KCNT1: variants seen among roughly 807,000 people sequenced by gnomAD.
KCNT1 encodes potassium sodium-activated channel subfamily T member 1.
In KCNT1, 78 loss-of-function variants were observed where a neutral mutation model predicts 147.8. The observed-to-expected ratio is 0.53, with a 90% confidence interval of 0.44 to 0.64. The LOEUF (loss-of-function observed/expected upper bound fraction) is 0.64. KCNT1 is among the 30% of genes least tolerant of loss of function. KCNT1 has a pLI of 0.00. For missense variants in KCNT1, 1,419 were observed against 1,750.3 expected (o/e 0.81, Z 3.38); for synonymous variants, 867 against 748.8 (o/e 1.16, Z -2.58).
intron 1 of KCNT1, among the ~76,000 whole-genome samples, chr9:135,708,255 C>T (rs985110754): frequency 2.6e-5 from 4 of 152,200 alleles, no homozygotes; most frequent in Admixed American, 1.3e-4. Context: ...CACATGTATA[C>T]ATATGCCCAT....
chr9:135,732,002 A>AGG (rs1333775114), intron 2 of KCNT1, among the ~76,000 whole-genome samples: 1 of 73,442 alleles, frequency 1.4e-5, no homozygotes, highest in African/African-American at 5.0e-5. Context: ...AGAGAGAGAG[A>AGG]GAGAGAGAGA....
At position 135,750,873 on chromosome 9, in the gene KCNT1, C is replaced by T. The variant is rs575643861; in HGVS notation, c.335-69C>T. The T allele has an allele frequency of 2.0e-4, 283 of 1,422,704 alleles. No individual in the cohort carries two copies. In the African/African-American group the frequency reaches 3.5e-3, roughly 18 times the overall value. 88.1% of individuals were successfully genotyped at this position (1,422,704 alleles called of 1,614,324 possible). ...GCCATCCAGAGAGCCCAGCCAGACC[C>T]GGGTGCAGGCCCTGCTCCCCGAAGC... On this transcript the variant is annotated intron_variant, in intron 3 of 30. Transcript: ENST00000371757.
chr9:135,724,719 C>T (rs918365676), intron 2 of KCNT1, among the ~76,000 whole-genome samples: 2 of 152,262 alleles, frequency 1.3e-5, no homozygotes, highest in Admixed American at 6.5e-5. Flanking sequence ...GACATTGAAA[C>T]CTCACCAGGT....
chr9:135,772,022 G>T (rs1052237896), intron 18 of KCNT1, among the ~76,000 whole-genome samples: 3 of 152,150 alleles, frequency 2.0e-5, no homozygotes, highest in Admixed American at 2.0e-4. Context: ...GTTTGGAGAC[G>T]TGCCGATGCG....
In KCNT1 at chr9:135,795,030, T is replaced by A. The variant is rs535997595; in HGVS notation, c.*2869T>A. 4 of 152,328 alleles carry A rather than the reference T, an allele frequency of 2.6e-5. No individual in the cohort carries two copies. In the South Asian group the frequency reaches 8.3e-4, roughly 32 times the overall value. The allele number at this position is 152,328 out of a possible 1,614,324, so 9.4% of individuals were successfully genotyped here. On this transcript the variant is annotated 3_prime_UTR_variant, in exon 31 of 31. Coordinates refer to ENST00000371757, the MANE Select transcript of KCNT1 (RefSeq NM_020822.3). ...TAGAATAAGCGAAAAGAATTTTTTTTAATGTTTTACGGTAGAATTATTTGA... is the reference window on the plus strand; with the variant it reads ...TAGAATAAGCGAAAAGAATTTTTTTAAATGTTTTACGGTAGAATTATTTGA...
intron 24 of KCNT1, 152 bp downstream of exon 24, chr9:135,779,622 C>T: frequency 1.6e-6 from 1 of 638,762 alleles, no homozygotes; most frequent in Admixed American, 2.6e-5. Context: ...GGGGGCCCAG[C>T]ATGGACAGGG....
At chr9:135,762,367 G>T (rs1034699073) in intron 11 of KCNT1, among the ~76,000 whole-genome samples, 1 of 152,112 alleles carries the variant, frequency 6.6e-6, no homozygotes, top group African/African-American at 2.4e-5. Context: ...AATCGCCTGA[G>T]CCCTGAGGTT....
chr9:135,781,591 A>T (rs180847779), intron 24 of KCNT1, among the ~76,000 whole-genome samples: 24 of 152,292 alleles, frequency 1.6e-4, no homozygotes, highest in African/African-American at 5.8e-4. Context: ...AATTTATTAT[A>T]AAAATGTACA....
chr9:135,779,404 C>T lies in KCNT1; in HGVS notation c.2775C>T (p.Ser925=). The T allele has an allele frequency of 6.2e-7, 1 of 1,614,036 alleles. No individual in the cohort carries two copies. Among genetic ancestry groups the T allele is most frequent in the Non-Finnish European group, 8.5e-7 (1 of 1,180,012 alleles). The change falls in exon 24 of 31, where the codon TCC becomes TCT. Residue 925 remains serine, a synonymous_variant. Coordinates refer to ENST00000371757, the MANE Select transcript of KCNT1 (RefSeq NM_020822.3). The part of the protein sequence containing the change: ...LSITTELTHP[S]NMRFMQFRAK... ...TCACCACGGAGCTCACCCACCCTTC[C>T]AACATGCGCTTCATGCAGTTCCGCG...
intron 4 of KCNT1, chr9:135,753,734 C>A (rs887257352): frequency 3.3e-6 from 2 of 607,228 alleles, no homozygotes; most frequent in East Asian, 2.8e-5. Flanking sequence ...CAGTTAGAGG[C>A]CCTCCTGCAG....
chr9:135,702,407 G>T lies in KCNT1; in HGVS notation c.110+39G>T. On this transcript the variant is annotated intron_variant, in intron 1 of 30. Coordinates refer to ENST00000371757, the MANE Select transcript of KCNT1 (RefSeq NM_020822.3). Reference sequence around the variant, plus strand: ...CGCCCTCCCCACGCGGGGAGGCCCCGGTCTAACCTAAGACCCCCAAGTTCC... The same window carrying T: ...CGCCCTCCCCACGCGGGGAGGCCCCTGTCTAACCTAAGACCCCCAAGTTCC... 3 of 1,456,664 alleles carry T rather than the reference G, an allele frequency of 2.1e-6. No homozygotes were observed. The South Asian group carries it at 3.5e-5, about 17-fold the overall frequency. 90.2% of individuals were successfully genotyped at this position (1,456,664 alleles called of 1,614,324 possible).
In KCNT1 at chr9:135,731,991, T is replaced by TAG. The variant is rs1189149987; in HGVS notation, c.254+17320_254+17321dup. Among the ~76,000 whole-genome samples the TAG allele has an allele frequency of 3.6e-3, 78 of 21,716 alleles. 1 individual carries two copies. The highest frequency in any genetic ancestry group is 8.8e-3 in the South Asian group (4 of 454). 14.2% of individuals were successfully genotyped at this position (21,716 alleles called of 152,430 possible). A position where few individuals can be genotyped will look rare whatever the true frequency, so the allele number is the denominator to read the frequency against. On this transcript the variant is annotated intron_variant, in intron 2 of 30. Coordinates refer to ENST00000371757, the MANE Select transcript of KCNT1 (RefSeq NM_020822.3). ...ATATATATATATATATATATATATA[T>TAG]AGAGAGAGAGAGAGAGAGAGAGAGA...
intron 2 of KCNT1, among the ~76,000 whole-genome samples, chr9:135,736,268 G>A (rs904307694): frequency 6.6e-6 from 1 of 152,164 alleles, no homozygotes. Flanking sequence ...CGGCTGGAGG[G>A]CCCTGCCCTG....
chr9:135,786,186 GCCCT>G lies in KCNT1; in HGVS notation c.3178-10_3178-7del, dbSNP rs2131581299. 1.2e-6 allele frequency: 2 copies of G among 1,604,216 alleles called. No homozygotes were observed. The highest frequency in any genetic ancestry group is 1.7e-6 in the Non-Finnish European group (2 of 1,176,174). On this transcript the variant is annotated splice_region_variant and splice_polypyrimidine_tract_variant and intron_variant, in intron 28 of 30. Coordinates refer to ENST00000371757, the MANE Select transcript of KCNT1 (RefSeq NM_020822.3). ...ACCCCTCCCCGCCCTGCCCTGCCCT[GCCCT>G]GCCCAGTCCCAGATCTCGGTGAACG...
chr9:135,760,875 C>T (rs887429973), intron 11 of KCNT1, among the ~76,000 whole-genome samples: 2 of 152,208 alleles, frequency 1.3e-5, no homozygotes, highest in Middle Eastern at 3.2e-3. Context: ...GTGAGCTGCC[C>T]GCTCCTCTTT....
chr9:135,726,098 G>A (rs576812163), intron 2 of KCNT1, among the ~76,000 whole-genome samples: 3 of 152,242 alleles, frequency 2.0e-5, no homozygotes, highest in East Asian at 1.9e-4. Flanking sequence ...CAGAAGGGCC[G>A]GCAAAGGACT....
intron 10 of KCNT1, among the ~76,000 whole-genome samples, chr9:135,758,810 G>A (rs58512491): frequency 0.029 from 4,410 of 152,340 alleles, 200 homozygotes; most frequent in African/African-American, 0.1. Flanking sequence ...TAGGCCAGGT[G>A]GGGTCTCTTG....
At chr9:135,751,124 G>C in intron 4 of KCNT1, 83 bp downstream of exon 4, 2 of 1,266,000 alleles carry the variant, frequency 1.6e-6, no homozygotes, top group Non-Finnish European at 2.3e-6. Flanking sequence ...AGCTGATGGC[G>C]TCCCTGGGGG....
intron 2 of KCNT1, among the ~76,000 whole-genome samples, chr9:135,721,122 C>G (rs919913593): frequency 9.2e-5 from 14 of 152,128 alleles, no homozygotes; most frequent in Admixed American, 9.2e-4. Flanking sequence ...GGAAGGGTGG[C>G]CCCTGGACTG....
Sources: allele counts gnomAD v4.1 joint callset (sites outside exome capture counted in the v4.1 genomes callset), GRCh38; gene constraint gnomAD v4.1.1; transcripts MANE v1.5; gene names NCBI Gene and HGNC (gene_info 2026-07-23, HGNC 2026-07-21).